ITPR2: variants seen among roughly 807,000 people sequenced by gnomAD.
ITPR2 encodes the protein inositol 1,4,5-trisphosphate-gated calcium channel ITPR2.
In ITPR2, 207 loss-of-function variants were observed where a neutral mutation model predicts 317.1. The ratio of observed to expected loss-of-function variants is 0.65; its 90% CI spans 0.58 to 0.73. The LOEUF (loss-of-function observed/expected upper bound fraction) is 0.73. Ranked by LOEUF, ITPR2 falls within the 30% of genes least tolerant of loss-of-function variation. ITPR2 has a pLI of 0.00. For synonymous variants in ITPR2, 1,156 were observed against 1,149.1 expected (o/e 1.01, Z -0.12); for missense variants, 2,613 against 3,284.0 (o/e 0.80, Z 4.99).
At chr12:26,784,999 T>C (rs1293998149) in intron 2 of ITPR2, among the ~76,000 whole-genome samples, 2 of 10,772 alleles carry the variant, frequency 1.9e-4, no homozygotes, top group African/African-American at 4.4e-4. Flanking sequence ...GCCGCAACCC[T>C]GTCTGGGAGG....
At chr12:26,779,021 C>T (rs1295229455) in intron 2 of ITPR2, among the ~76,000 whole-genome samples, 2 of 152,112 alleles carry the variant, frequency 1.3e-5, no homozygotes, top group East Asian at 1.9e-4. Context: ...TTGAGTGACC[C>T]GAAAAGCTGC....
At chr12:26,548,414 G>A (rs1944440673) in intron 37 of ITPR2, among the ~76,000 whole-genome samples, 1 of 152,118 alleles carries the variant, frequency 6.6e-6, no homozygotes, top group African/African-American at 2.4e-5. Context: ...GCTGTGCAGA[G>A]CCCCTGATGG....
In ITPR2 at chr12:26,781,990, CTG is replaced by C. The variant is rs1179500942; in HGVS notation, c.163+8165_163+8166del. Reference sequence around the variant, plus strand: ...AGTTAATACTACTTAATAAACTCCCCTGTATATATATATATATATATATATAT... The same window carrying C: ...AGTTAATACTACTTAATAAACTCCCCTATATATATATATATATATATATAT... On this transcript the variant is annotated intron_variant, in intron 2 of 56. Coordinates refer to ENST00000381340, the MANE Select transcript of ITPR2 (RefSeq NM_002223.4). Among the ~76,000 whole-genome samples, 328 of 60,324 alleles carry C rather than the reference CTG, an allele frequency of 5.4e-3. 7 individuals are homozygous for C. Among genetic ancestry groups the C allele is most frequent in the African/African-American group, 0.02 (296 of 15,032 alleles). 39.6% of individuals were successfully genotyped at this position (60,324 alleles called of 152,430 possible).
Position 26,681,921 on chromosome 12 carries a change from G to C in ITPR2, c.1362C>G (p.Thr454=). ...TGCCGTTTTCTAGCTTTTTAACTGT[G>C]GTCGCTAGTACTTTATTGGCATCAT... ...FANDANKVLA[T]TVKKLENGTI... is the part of the protein sequence containing the mutation. The change falls in exon 13 of 57, where the codon ACC becomes ACG. Residue 454 remains threonine, a synonymous_variant. Transcript: ENST00000381340. The C allele has an allele frequency of 6.2e-7, 1 of 1,613,118 alleles. No individual in the cohort carries two copies. The highest frequency in any genetic ancestry group is 8.5e-7 in the Non-Finnish European group (1 of 1,179,292).
At position 26,761,567 on chromosome 12, in the gene ITPR2, G is replaced by C. The variant is rs1949634066; in HGVS notation, c.163+28590C>G. ...CCCAACACTTTGGAAGTGGAGGTGA[G>C]AGAATCGCTTGAGGCCACAAGTTTG... On this transcript the variant is annotated intron_variant, in intron 2 of 56. Coordinates refer to ENST00000381340, the MANE Select transcript of ITPR2 (RefSeq NM_002223.4). Among the ~76,000 whole-genome samples, 3 of 152,342 alleles carry C rather than the reference G, an allele frequency of 2.0e-5. No homozygotes were observed. In the South Asian group the frequency reaches 6.2e-4, roughly 32 times the overall value.
intron 2 of ITPR2, among the ~76,000 whole-genome samples, chr12:26,780,250 G>T (rs900903117): frequency 1.3e-5 from 2 of 152,200 alleles, no homozygotes; most frequent in African/African-American, 4.8e-5. Context: ...ATTCCTTGGG[G>T]TGATCGGCCA....
intron 21 of ITPR2, among the ~76,000 whole-genome samples, chr12:26,645,869 C>A (rs550735999): frequency 1.3e-5 from 2 of 152,122 alleles, no homozygotes; most frequent in Middle Eastern, 3.4e-3. Flanking sequence ...TATACTAAAC[C>A]CTTTTCTATT....
At position 26,339,230 on chromosome 12, in the gene ITPR2, AAC is replaced by A; in HGVS notation, c.*165_*166del. 8.3e-6 allele frequency: 5 copies of A among 604,610 alleles called. No homozygotes were observed. The highest frequency in any genetic ancestry group is 1.5e-5 in the Non-Finnish European group (5 of 335,206). 37.5% of individuals were successfully genotyped at this position (604,610 alleles called of 1,614,324 possible). On this transcript the variant is annotated 3_prime_UTR_variant, in exon 57 of 57. Transcript: ENST00000381340. ...GAGGTTAGGTCTTCGCAACCATGAA[AAC>A]ACAGTTATAAATTGTTCTCGGAGCT...
intron 49 of ITPR2, among the ~76,000 whole-genome samples, chr12:26,423,131 G>C (rs7967826): frequency 0.4 from 61,123 of 151,858 alleles, 13,834 homozygotes; most frequent in Non-Finnish European, 0.53. Flanking sequence ...GCAGTTTTCT[G>C]TTTCTGCAAC....
chr12:26,367,315 T>G (rs1001719009), intron 55 of ITPR2, among the ~76,000 whole-genome samples: 2 of 152,240 alleles, frequency 1.3e-5, no homozygotes, highest in African/African-American at 2.4e-5. Context: ...CAATAAATAC[T>G]GCATGAAACA....
At chr12:26,649,488 G>A (rs1165193488) in intron 21 of ITPR2, 1 of 151,930 alleles carries the variant, frequency 6.6e-6, no homozygotes, top group Non-Finnish European at 1.5e-5. Flanking sequence ...CCTAATCCAG[G>A]ATCCAGTACT....
At chr12:26,642,537 C>T (rs1279230149) in intron 21 of ITPR2, among the ~76,000 whole-genome samples, 1 of 152,262 alleles carries the variant, frequency 6.6e-6, no homozygotes, top group East Asian at 1.9e-4. Context: ...CAACCCTTGG[C>T]TTCCCAGCCT....
At chr12:26,479,233 T>C (rs1591817232) in intron 43 of ITPR2, among the ~76,000 whole-genome samples, 1 of 151,456 alleles carries the variant, frequency 6.6e-6, no homozygotes, top group African/African-American at 2.4e-5. Flanking sequence ...TTTTAAAAGG[T>C]AGCAATTGTA....
At chr12:26,565,863 G>GA (rs1944950200) in intron 34 of ITPR2, among the ~76,000 whole-genome samples, 2 of 56,168 alleles carry the variant, frequency 3.6e-5, no homozygotes, top group Non-Finnish European at 7.4e-5. Context: ...AGAGGAGAGG[G>GA]GAGGGGAGGA....
intron 45 of ITPR2, among the ~76,000 whole-genome samples, chr12:26,464,769 T>C (rs762637629): frequency 5.3e-5 from 8 of 152,220 alleles, no homozygotes; most frequent in Non-Finnish European, 8.8e-5. Context: ...ATATATGTTC[T>C]ATGATCACAG....
intron 45 of ITPR2, among the ~76,000 whole-genome samples, chr12:26,473,901 C>T (rs889582710): frequency 2.0e-5 from 3 of 152,202 alleles, no homozygotes; most frequent in Non-Finnish European, 4.4e-5. Flanking sequence ...AGCTAAAATG[C>T]TCATCTGTCT....
intron 2 of ITPR2, among the ~76,000 whole-genome samples, chr12:26,741,667 C>A (rs1053385707): frequency 6.6e-6 from 1 of 152,144 alleles, no homozygotes; most frequent in Non-Finnish European, 1.5e-5. Context: ...GTAAGAAAAC[C>A]TGCATGTGTG....
chr12:26,711,310 T>C (rs775808997), intron 8 of ITPR2, 42 bp from the exon 9 acceptor site: 8 of 1,386,004 alleles, frequency 5.8e-6, no homozygotes, highest in Middle Eastern at 1.8e-4. Flanking sequence ...ACAATATTTA[T>C]GTTCCTGGCA....
At chr12:26,521,997 A>G (rs1943679064) in intron 37 of ITPR2, among the ~76,000 whole-genome samples, 1 of 152,154 alleles carries the variant, frequency 6.6e-6, no homozygotes, top group African/African-American at 2.4e-5. Flanking sequence ...ATTTCCCACT[A>G]TATTCTTTTG....
Sources: allele counts gnomAD v4.1 joint callset (sites outside exome capture counted in the v4.1 genomes callset), GRCh38; gene constraint gnomAD v4.1.1; transcripts MANE v1.5; gene names NCBI Gene and HGNC (gene_info 2026-07-23, HGNC 2026-07-21).